The following LRRC74B variants were observed in gnomAD, a reference collection of about 807,000 sequenced individuals.
The protein encoded by LRRC74B is leucine-rich repeat-containing protein 74B.
Under a neutral mutation model 16.6 loss-of-function variants are expected in LRRC74B, and 30 were observed. That is an observed-to-expected ratio of 1.80 (90% confidence interval 1.35 to 2.45). LRRC74B has a LOEUF of 2.45. LRRC74B is among the 30% of genes most tolerant of loss of function. LRRC74B has a pLI of 0.00. For missense variants in LRRC74B, 326 were observed against 202.4 expected (o/e 1.61, Z -3.71); for synonymous variants, 134 against 86.0 (o/e 1.56, Z -3.09).
downstream of LRRC74B, chr22:21,063,521 C>T (rs944079881): frequency 6.2e-5 from 9 of 144,456 alleles, no homozygotes; most frequent in African/African-American, 2.4e-4. Context: ...TGGGCAACAT[C>T]AGGAGATCCT....
At chr22:21,056,985 C>T (rs907810222) in intron 7 of LRRC74B, 120 bp from the exon 8 acceptor site, 9 of 630,048 alleles carry the variant, frequency 1.4e-5, no homozygotes, top group African/African-American at 3.7e-5. Context: ...CCTTCTGAGC[C>T]GAAACAGTGT....
At chr22:21,046,625 T>C (rs1929459298) in intron 1 of LRRC74B, among the ~76,000 whole-genome samples, 1 of 151,728 alleles carries the variant, frequency 6.6e-6, no homozygotes, top group South Asian at 2.1e-4. Flanking sequence ...AATAAATAAA[T>C]ATATAAATAA....
chr22:21,053,600 G>C, intron 6 of LRRC74B, 125 bp downstream of exon 6: 1 of 606,536 alleles, frequency 1.6e-6, no homozygotes, highest in Non-Finnish European at 3.0e-6. Flanking sequence ...GAGCAGCTCT[G>C]TCATCCTTAT....
At chr22:21,056,967 T>G in intron 7 of LRRC74B, 138 bp from the exon 8 acceptor site, 1 of 613,350 alleles carries the variant, frequency 1.6e-6, no homozygotes, top group East Asian at 2.8e-5. Context: ...GACTATCTGA[T>G]GGAGACACCT....
chr22:21,060,801 C>A (rs1290765419), downstream of LRRC74B, among the ~76,000 whole-genome samples: 3 of 152,152 alleles, frequency 2.0e-5, no homozygotes, highest in Non-Finnish European at 2.9e-5. Context: ...CCAAGATGCC[C>A]AAGCAAGTCC....
chr22:21,062,878 A>G (rs1168245694), downstream of LRRC74B: 2 of 152,008 alleles, frequency 1.3e-5, no homozygotes, highest in Non-Finnish European at 2.9e-5. Context: ...AAAACATTTA[A>G]AAATTAGCTG....
chr22:21,046,210 G>A, intron 1 of LRRC74B, 85 bp downstream of exon 1: 1 of 684,490 alleles, frequency 1.5e-6, no homozygotes, highest in African/African-American at 1.8e-5. Context: ...TGGGGCTAAG[G>A]CCAGCAGGGA....
rs977691589 is a variant in LRRC74B, at chr22:21,055,070, A to G, written c.849-28A>G. On this transcript the variant is annotated intron_variant, in intron 6 of 8. Transcript: ENST00000442047. ...GCACCGCTGCTTGGAAGGTTGCACA[A>G]TGCATGTGCCTGTTGTTTTTGTTGC... The G allele has an allele frequency of 1.3e-5, 9 of 715,856 alleles. No homozygotes were observed. The African/African-American group carries it at 1.4e-4, about 11-fold the overall frequency. The allele number at this position is 715,856 out of a possible 1,614,324, so 44.3% of individuals were successfully genotyped here.
rs1439967203 is a variant in LRRC74B at position 21,046,064 on chromosome 22, A to AGG, written c.81_82dup (p.Val28GlyfsTer35). 37 of 717,328 alleles carry AGG rather than the reference A, an allele frequency of 5.2e-5. No homozygotes were observed. The highest frequency in any genetic ancestry group is 4.2e-5 in the Non-Finnish European group (16 of 385,062). The allele number at this position is 717,328 out of a possible 1,614,324, so 44.4% of individuals were successfully genotyped here. A position where few individuals can be genotyped will look rare whatever the true frequency, so the allele number is the denominator to read the frequency against. ...CTATGGTGGCCTGTGGGCGTCTTTC[A>AGG]GGGGTCCCCGAGGCCGAGCAGGGTC... On this transcript the variant is annotated frameshift_variant, in exon 1 of 9. Coordinates refer to ENST00000442047, the Ensembl canonical transcript of LRRC74B. LOFTEE classifies it high-confidence loss of function.
intron 4 of LRRC74B, among the ~76,000 whole-genome samples, chr22:21,050,912 G>A (rs1360951027): frequency 1.3e-5 from 2 of 148,474 alleles, no homozygotes; most frequent in East Asian, 3.9e-4. Flanking sequence ...GGGCAACATA[G>A]GGAGCCCCAG....
chr22:21,052,608 A>G (rs953927059), intron 5 of LRRC74B, among the ~76,000 whole-genome samples: 3 of 151,992 alleles, frequency 2.0e-5, no homozygotes, highest in African/African-American at 7.2e-5. Context: ...GACACCATAG[A>G]CACCCAGCTG....
chr22:21,048,608 C>T (rs906885573), intron 3 of LRRC74B: 24 of 341,566 alleles, frequency 7.0e-5, no homozygotes, highest in African/African-American at 4.8e-4. Context: ...CTATTATTGC[C>T]AATCCTGGCA....
chr22:21,056,799 C>A (rs183890683), intron 7 of LRRC74B: 5 of 323,172 alleles, frequency 1.5e-5, no homozygotes, highest in Non-Finnish European at 2.8e-5. Flanking sequence ...TCACTCACTG[C>A]GCTGATCACA....
intron 4 of LRRC74B, among the ~76,000 whole-genome samples, chr22:21,050,647 A>G (rs906494871): frequency 8.7e-4 from 132 of 151,898 alleles, no homozygotes; most frequent in Admixed American, 1.9e-3. Flanking sequence ...GTGTGGTGGC[A>G]GGCGCCTGTA....
intron 4 of LRRC74B, chr22:21,049,377 C>T (rs1929789979): frequency 5.5e-6 from 3 of 546,692 alleles, no homozygotes; most frequent in Non-Finnish European, 9.9e-6. Flanking sequence ...GTGCTGGGCA[C>T]TGACTTAGCC....
In LRRC74B at chr22:21,053,493, G is replaced by A; in HGVS notation, c.848+18G>A. 2 of 715,086 alleles carry A rather than the reference G, an allele frequency of 2.8e-6. No homozygotes were observed. Among genetic ancestry groups the A allele is most frequent in the South Asian group, 1.5e-5 (1 of 67,146 alleles). 44.3% of individuals were successfully genotyped at this position (715,086 alleles called of 1,614,324 possible). A position where few individuals can be genotyped will look rare whatever the true frequency, so the allele number is the denominator to read the frequency against. On this transcript the variant is annotated intron_variant, in intron 6 of 8. Coordinates refer to ENST00000442047, the Ensembl canonical transcript of LRRC74B. ...AACATGAGGTGAGGATCCCCGGGGG[G>A]ACACCCCAGGAATCATGGGCTCCAT...
rs1256049622 is a variant in LRRC74B, at chr22:21,052,368, C to T, written c.732+10C>T. ...TGCCAGGGGACTGGAGGTATGAAGCCCCCACCTAGTCGGCCCTACAGCCTG... is the reference window on the plus strand; with the variant it reads ...TGCCAGGGGACTGGAGGTATGAAGCTCCCACCTAGTCGGCCCTACAGCCTG... On this transcript the variant is annotated intron_variant, in intron 5 of 8. Coordinates refer to ENST00000442047, the Ensembl canonical transcript of LRRC74B. 3 of 717,296 alleles carry T rather than the reference C, an allele frequency of 4.2e-6. No individual in the cohort carries two copies. The highest frequency in any genetic ancestry group is 7.8e-6 in the Non-Finnish European group (3 of 385,076). The allele number at this position is 717,296 out of a possible 1,614,324, so 44.4% of individuals were successfully genotyped here.
At chr22:21,062,678 A>C (rs1485594097), downstream of LRRC74B, 1 of 139,126 alleles carries the variant, frequency 7.2e-6, no homozygotes, top group Non-Finnish European at 1.5e-5. Flanking sequence ...ACTTCACTGC[A>C]CTCCAGTCTG....
Position 21,053,488 on chromosome 22 carries a change from G to C in LRRC74B, c.848+13G>C, listed in dbSNP as rs1486844174. The C allele has an allele frequency of 1.4e-6, 1 of 714,748 alleles. No individual in the cohort carries two copies. Among genetic ancestry groups the C allele is most frequent in the Non-Finnish European group, 2.6e-6 (1 of 384,202 alleles). 44.3% of individuals were successfully genotyped at this position (714,748 alleles called of 1,614,324 possible). ...AACTCAACATGAGGTGAGGATCCCC[G>C]GGGGGACACCCCAGGAATCATGGGC... On this transcript the variant is annotated intron_variant, in intron 6 of 8. Transcript: ENST00000442047.
Sources: gnomAD v4.1 joint callset for allele counts (sites outside exome capture counted in the v4.1 genomes callset) on GRCh38, gnomAD v4.1.1 for gene constraint, MANE v1.5 for transcripts, NCBI Gene and HGNC (gene_info 2026-07-23, HGNC 2026-07-21) for gene names.